The following IGF2 variants were observed in gnomAD, a reference collection of about 807,000 sequenced individuals.
The protein encoded by IGF2 is insulin like growth factor 2, also known as insulin-like growth factor 2.
A neutral mutation model predicts 12.0 loss-of-function variants in IGF2; 2 were observed. That is an observed-to-expected ratio of 0.17 (90% CI 0.07 to 0.52). The LOEUF (loss-of-function observed/expected upper bound fraction) is 0.52. Among genes scored for constraint, IGF2 ranks in the 20% least tolerant of loss-of-function variants. The pLI, the probability that IGF2 is intolerant of heterozygous loss-of-function variation, is 0.95. For synonymous variants in IGF2, 105 were observed against 110.1 expected, an observed-to-expected ratio of 0.95 and a Z score of 0.29; for missense variants, 211 against 268.0, an observed-to-expected ratio of 0.79 and a Z score of 1.48.
At position 2,133,744 on chromosome 11, in the gene IGF2, C is replaced by T; in HGVS notation, c.158-79G>A. The stretch of plus-strand genomic sequence containing the variant: ...CCCCGGAGGCTGAAGGGGGAGCAAA[C>T]CACCCCTGCCCTCAGGCCAGGCCCT... On this transcript the variant is annotated intron_variant, in intron 2 of 3. Transcript: ENST00000416167. The surrounding 1 kb of genome is among the most constrained non-coding windows in gnomAD (Gnocchi z 8.9). 1.9e-6 allele frequency: 3 copies of T among 1,542,548 alleles called. No homozygotes were observed. The highest frequency in any genetic ancestry group is 2.6e-6 in the Non-Finnish European group (3 of 1,134,756).
In IGF2 at chr11:2,130,583, A is replaced by G. The variant is rs1293989570; in HGVS notation, c.*2404T>C. The G allele has an allele frequency of 1.5e-5, 3 of 197,904 alleles. No individual in the cohort carries two copies. The highest frequency in any genetic ancestry group is 8.7e-5 in the African/African-American group (3 of 34,522). 12.3% of individuals were successfully genotyped at this position (197,904 alleles called of 1,614,324 possible). ...GCATAAAGCTAAGGAGGGGTAAAAA[A>G]AAAACAAAAAAAAAAAAAAAAGGAA... On this transcript the variant is annotated 3_prime_UTR_variant, in exon 4 of 4. Transcript: ENST00000416167.
Position 2,133,176 on chromosome 11 carries a change from G to C in IGF2, c.354C>G (p.Thr118=), listed in dbSNP as rs1467958584. ...YPVGKFFQYD[T]WKQSTQRLRR... is the part of the protein sequence containing the mutation. ...GCAGGCGCTGGGTGGACTGCTTCCA[G>C]GTGTCATATTGGAAGAACTTGCCCA... The change falls in exon 4 of 4, where the codon ACC becomes ACG. Residue 118 remains threonine, a synonymous_variant. Coordinates refer to ENST00000416167, the MANE Select transcript of IGF2 (RefSeq NM_000612.6). The surrounding 1 kb of genome is among the most constrained non-coding windows in gnomAD (Gnocchi z 8.9). 1 of 1,586,650 alleles carries C rather than the reference G, an allele frequency of 6.3e-7. No homozygotes were observed. Among genetic ancestry groups the C allele is most frequent in the South Asian group, 1.1e-5 (1 of 88,344 alleles).
upstream of IGF2, among the ~76,000 whole-genome samples, chr11:2,143,070 A>G (rs1859696562): frequency 6.6e-6 from 1 of 152,188 alleles, no homozygotes; most frequent in Non-Finnish European, 1.5e-5. Context: ...TTGGGGAATC[A>G]CTGGGGAAAT....
chr11:2,143,871 G>A (rs372083623), upstream of IGF2, among the ~76,000 whole-genome samples: 56 of 152,356 alleles, frequency 3.7e-4, no homozygotes, highest in African/African-American at 1.3e-3. Flanking sequence ...GGAATCCCCC[G>A]AGGATCAAGG....
the IGF2 span, chr11:2,147,892 G>T: frequency 9.7e-7 from 1 of 1,034,554 alleles, no homozygotes; most frequent in Non-Finnish European, 1.2e-6. This position sits in a 1 kb window ranked among gnomAD's most constrained non-coding sequence, Gnocchi z 7.2. Context: ...CCTGAGCCCT[G>T]TCCCATCCCC....
At chr11:2,149,394 T>C in the IGF2 span, 1 of 1,502,012 alleles carries the variant, frequency 6.7e-7, no homozygotes, top group East Asian at 2.3e-5. Flanking sequence ...ATACGGCCCC[T>C]ACAGATGGGA....
rs1228493376 is a variant in IGF2 at position 2,130,215 on chromosome 11, G to A, written c.*2772C>T. ...TCAGGCCAGCCAGGAGCCCCCTCCT[G>A]TGGCCTCCGAGCACCCTCCTGACAC... On this transcript the variant is annotated 3_prime_UTR_variant, in exon 4 of 4. Coordinates refer to ENST00000416167, the MANE Select transcript of IGF2 (RefSeq NM_000612.6). The A allele has an allele frequency of 5.6e-5, 13 of 231,142 alleles. No individual in the cohort carries two copies. Among genetic ancestry groups the A allele is most frequent in the Admixed American group, 2.8e-4 (5 of 17,736 alleles). The allele number at this position is 231,142 out of a possible 1,614,324, so 14.3% of individuals were successfully genotyped here.
Position 2,133,748 on chromosome 11 carries a change from C to A in IGF2, c.158-83G>T. 6.5e-7 allele frequency: 1 copy of A among 1,537,938 alleles called. No individual in the cohort carries two copies. The highest frequency in any genetic ancestry group is 8.8e-7 in the Non-Finnish European group (1 of 1,131,398). ...GGAGGCTGAAGGGGGAGCAAACCAC[C>A]CCTGCCCTCAGGCCAGGCCCTGGAA... is the stretch of plus-strand genomic sequence containing the variant. On this transcript the variant is annotated intron_variant, in intron 2 of 3. Coordinates refer to ENST00000416167, the MANE Select transcript of IGF2 (RefSeq NM_000612.6). This position sits in a 1 kb window ranked among gnomAD's most constrained non-coding sequence, Gnocchi z 8.9.
At position 2,131,377 on chromosome 11, in the gene IGF2, G is replaced by C. The variant is rs892316096; in HGVS notation, c.*1610C>G. 1.7e-5 allele frequency: 4 copies of C among 233,272 alleles called. No individual in the cohort carries two copies. The highest frequency in any genetic ancestry group is 8.8e-5 in the African/African-American group (4 of 45,358). 14.5% of individuals were successfully genotyped at this position (233,272 alleles called of 1,614,324 possible). A position where few individuals can be genotyped will look rare whatever the true frequency, so the allele number is the denominator to read the frequency against. On this transcript the variant is annotated 3_prime_UTR_variant, in exon 4 of 4. Transcript: ENST00000416167. ...CTTTGGCCTGATCCATACAGATATC[G>C]TAGTTGCTTAGATATGCTTATTGTT...
In IGF2 at chr11:2,138,388, TGGG is replaced by T. The variant is rs776260679; in HGVS notation, c.-169_-167del. 9.3e-5 allele frequency: 12 copies of T among 129,440 alleles called. No homozygotes were observed. Among genetic ancestry groups the T allele is most frequent in the African/African-American group, 1.9e-4 (3 of 16,080 alleles). The allele number at this position is 129,440 out of a possible 1,614,324, so 8.0% of individuals were successfully genotyped here. A position where few individuals can be genotyped will look rare whatever the true frequency, so the allele number is the denominator to read the frequency against. On this transcript the variant is annotated 5_prime_UTR_variant, in exon 1 of 4. Transcript: ENST00000416167. ...GCAGAGCGGGGGGATGGCTTTTTTTTGGGGGGGGGGGGAGAATTCGTCTGATTG... is the reference window on the plus strand; with the variant it reads ...GCAGAGCGGGGGGATGGCTTTTTTTTGGGGGGGGGAGAATTCGTCTGATTG...
chr11:2,139,912 G>A (rs1859438240), upstream of IGF2, among the ~76,000 whole-genome samples: 1 of 152,116 alleles, frequency 6.6e-6, no homozygotes, highest in Non-Finnish European at 1.5e-5. Context: ...GCGCGCAGCC[G>A]CCACCTGCCC....
upstream of IGF2, among the ~76,000 whole-genome samples, chr11:2,143,055 T>C (rs980272763): frequency 6.6e-6 from 1 of 152,164 alleles, no homozygotes; most frequent in Non-Finnish European, 1.5e-5. Context: ...ACATTCTCAA[T>C]AGCTTTGGGG....
In IGF2 at chr11:2,132,139, T is replaced by C. The variant is rs1564892956; in HGVS notation, c.*848A>G. On this transcript the variant is annotated 3_prime_UTR_variant, in exon 4 of 4. Coordinates refer to ENST00000416167, the MANE Select transcript of IGF2 (RefSeq NM_000612.6). ...GGATGCATAAAGTATGAGTGCTTTT[T>C]AGGATGGGAATTGAGATGTAAGATT... 3 of 207,940 alleles carry C rather than the reference T, an allele frequency of 1.4e-5. No individual in the cohort carries two copies. Among genetic ancestry groups the C allele is most frequent in the Admixed American group, 6.0e-5 (1 of 16,714 alleles). The allele number at this position is 207,940 out of a possible 1,614,324, so 12.9% of individuals were successfully genotyped here. A position where few individuals can be genotyped will look rare whatever the true frequency, so the allele number is the denominator to read the frequency against.
rs1043032212 is a variant in IGF2, at chr11:2,131,333, T to C, written c.*1654A>G. 4.3e-5 allele frequency: 10 copies of C among 233,098 alleles called. No individual in the cohort carries two copies. Among genetic ancestry groups the C allele is most frequent in the East Asian group, 1.2e-4 (2 of 16,594 alleles). 14.4% of individuals were successfully genotyped at this position (233,098 alleles called of 1,614,324 possible). ...GAGCGGGGCTCAGACCATGAAAACA[T>C]TGGAGAATCTTAGCGGGACTTTGGC... On this transcript the variant is annotated 3_prime_UTR_variant, in exon 4 of 4. Transcript: ENST00000416167.
chr11:2,143,329 G>A (rs1859710977), upstream of IGF2, among the ~76,000 whole-genome samples: 7 of 146,418 alleles, frequency 4.8e-5, 1 homozygote, highest in African/African-American at 1.7e-4. Context: ...GTCCCATGCT[G>A]AGGTGAACGG....
Position 2,138,524 on chromosome 11 carries a change from G to A in IGF2, c.-302C>T, listed in dbSNP as rs1375849223. The A allele has an allele frequency of 3.9e-6, 3 of 770,134 alleles. No individual in the cohort carries two copies. The highest frequency in any genetic ancestry group is 2.1e-5 in the African/African-American group (1 of 47,098). 47.7% of individuals were successfully genotyped at this position (770,134 alleles called of 1,614,324 possible). A position where few individuals can be genotyped will look rare whatever the true frequency, so the allele number is the denominator to read the frequency against. On this transcript the variant is annotated 5_prime_UTR_variant, in exon 1 of 4. Coordinates refer to ENST00000416167, the MANE Select transcript of IGF2 (RefSeq NM_000612.6). ...TCAGCTGTTGTATCAAGGATAGAGGGGGGCAGAGATAGTGGGAGAGACAGA... is the reference window on the plus strand; with the variant it reads ...TCAGCTGTTGTATCAAGGATAGAGGAGGGCAGAGATAGTGGGAGAGACAGA...
chr11:2,133,103 C>T lies in IGF2; in HGVS notation c.427G>A (p.Ala143Thr), dbSNP rs200836416. The change falls in exon 4 of 4, where the codon GCC (alanine) becomes ACC (threonine). Residue 143 changes from alanine (A) to threonine (T), a missense_variant. Physicochemically the swap from Ala to Thr is moderately conservative, Grantham distance 58. Transcript: ENST00000416167. This position sits in a 1 kb window ranked among gnomAD's most constrained non-coding sequence, Gnocchi z 8.9. ...LLRARRGHVL[A>T]KELEAFREAK... The stretch of plus-strand genomic sequence containing the variant: ...TCCCTGAACGCCTCGAGCTCCTTGG[C>T]GAGCACGTGACCCCGGCGGGCACGC... 7.3e-5 allele frequency: 118 copies of T among 1,607,392 alleles called. 1 individual carries two copies. Among genetic ancestry groups the T allele is most frequent in the South Asian group, 7.0e-4 (63 of 90,526 alleles).
chr11:2,135,653 T>C (rs1590119544), intron 1 of IGF2, 124 bp from the exon 2 acceptor site: 2 of 773,418 alleles, frequency 2.6e-6, no homozygotes, highest in East Asian at 2.7e-5. Context: ...ACGGCTTTCC[T>C]ATAAACATTA....
At position 2,131,616 on chromosome 11, in the gene IGF2, GTGCATGTGTGTGCTGTGTGCTGTGTT is replaced by G. The variant is rs1858566021; in HGVS notation, c.*1345_*1370del. 7 of 216,128 alleles carry G rather than the reference GTGCATGTGTGTGCTGTGTGCTGTGTT, an allele frequency of 3.2e-5. No individual in the cohort carries two copies. Among genetic ancestry groups the G allele is most frequent in the Admixed American group, 3.0e-4 (5 of 16,938 alleles). The allele number at this position is 216,128 out of a possible 1,614,324, so 13.4% of individuals were successfully genotyped here. ...TGCTGTGCATGCGTGTGTGCTGTGT[GTGCATGTGTGTGCTGTGTGCTGTGTT>G]CATGTGTGTGCTGTGTGTGCGTGTG... On this transcript the variant is annotated 3_prime_UTR_variant, in exon 4 of 4. Coordinates refer to ENST00000416167, the MANE Select transcript of IGF2 (RefSeq NM_000612.6).
Sources: allele counts gnomAD v4.1 joint callset (sites outside exome capture counted in the v4.1 genomes callset), GRCh38; gene constraint gnomAD v4.1.1; non-coding constraint Gnocchi (gnomAD v3.1); transcripts MANE v1.5; gene names NCBI Gene and HGNC (gene_info 2026-07-23, HGNC 2026-07-21).